TMEM266: variants seen among roughly 807,000 people sequenced by gnomAD.
TMEM266 encodes the protein transmembrane protein 266.
TMEM266 carries 33 observed loss-of-function variants against 50.5 expected under a neutral mutation model. The observed-to-expected ratio is 0.65, with a 90% CI of 0.50 to 0.87. The LOEUF (loss-of-function observed/expected upper bound fraction) is 0.87. TMEM266 is among the 40% of genes least tolerant of loss of function. The probability of loss-of-function intolerance (pLI) is 0.00; values close to 1 mark genes in which losing one functional copy is unlikely to be tolerated. For missense variants in TMEM266, 655 were observed against 695.1 expected (o/e 0.94, Z 0.65); for synonymous variants, 310 against 292.3 (o/e 1.06, Z -0.62).
chr15:76,175,471 C>T, intron 7 of TMEM266, 88 bp from the exon 8 acceptor site: 2 of 1,003,504 alleles, frequency 2.0e-6, no homozygotes, highest in East Asian at 2.5e-5. Flanking sequence ...GGCCTCGAAC[C>T]TGCTGCTGCC....
intron 3 of TMEM266, among the ~76,000 whole-genome samples, chr15:76,151,133 C>T (rs997181097): frequency 1.2e-4 from 19 of 152,176 alleles, no homozygotes; most frequent in Admixed American, 2.6e-4. Context: ...CCTGCCCTCT[C>T]GTGGCAATTC....
chr15:76,201,243 C>T (rs1001067269), intron 9 of TMEM266, among the ~76,000 whole-genome samples: 2 of 152,178 alleles, frequency 1.3e-5, no homozygotes, highest in African/African-American at 4.8e-5. Flanking sequence ...TGGCCCCTCA[C>T]TGCCTCGCTG....
intron 8 of TMEM266, among the ~76,000 whole-genome samples, chr15:76,182,971 C>T (rs1596160425): frequency 1.3e-5 from 2 of 152,116 alleles, no homozygotes; most frequent in Admixed American, 6.5e-5. Context: ...ATCCAGAAAT[C>T]TGAGTCCTGA....
At chr15:76,182,403 G>A (rs952168035) in intron 8 of TMEM266, among the ~76,000 whole-genome samples, 3 of 152,030 alleles carry the variant, frequency 2.0e-5, no homozygotes, top group Non-Finnish European at 2.9e-5. Context: ...TTGGGAGGCC[G>A]AGGCGGGCAG....
chr15:76,190,858 C>A (rs1000217643), intron 8 of TMEM266, among the ~76,000 whole-genome samples: 1 of 152,144 alleles, frequency 6.6e-6, no homozygotes, highest in African/African-American at 2.4e-5. Flanking sequence ...AGGCAGGGCG[C>A]CCGGGCGTGG....
chr15:76,153,087 C>T lies in TMEM266; in HGVS notation c.228-3517C>T, dbSNP rs936288959. ...ACCACAGGTAACTCCAGACGCCCAC[C>T]TCCTGCAGCTTCCTAACCACCTGAT... On this transcript the variant is annotated intron_variant, in intron 3 of 10. Transcript: ENST00000388942. This position sits in a 1 kb window ranked among gnomAD's most constrained non-coding sequence, Gnocchi z 4.2. Among the ~76,000 whole-genome samples the T allele has an allele frequency of 5.9e-5, 9 of 151,524 alleles. No homozygotes were observed. The highest frequency in any genetic ancestry group is 2.2e-4 in the African/African-American group (9 of 41,054).
chr15:76,075,630 C>G (rs558405987), intron 1 of TMEM266, among the ~76,000 whole-genome samples: 1 of 152,042 alleles, frequency 6.6e-6, no homozygotes, highest in East Asian at 1.9e-4. Flanking sequence ...ACACTTTCTA[C>G]ATGCTTCACA....
At chr15:76,119,553 G>T (rs2037308996) in intron 1 of TMEM266, among the ~76,000 whole-genome samples, 1 of 152,096 alleles carries the variant, frequency 6.6e-6, no homozygotes. Flanking sequence ...GATCACTTGA[G>T]ATCAGGAATT....
chr15:76,060,623 C>G (rs1374518558), intron 1 of TMEM266, among the ~76,000 whole-genome samples: 1 of 152,210 alleles, frequency 6.6e-6, no homozygotes, highest in African/African-American at 2.4e-5. Flanking sequence ...GCAGGCAGTT[C>G]CCTGCTTGCT....
At chr15:76,159,310 C>T (rs913082828) in intron 4 of TMEM266, among the ~76,000 whole-genome samples, 1 of 152,242 alleles carries the variant, frequency 6.6e-6, no homozygotes, top group East Asian at 1.9e-4. Context: ...GGTTCAAAGG[C>T]TGGCTGTGGC....
intron 3 of TMEM266, among the ~76,000 whole-genome samples, 164 bp from the exon 4 acceptor site, chr15:76,156,440 C>T (rs181000871): frequency 1.4e-3 from 210 of 152,310 alleles, no homozygotes; most frequent in African/African-American, 4.6e-3. Flanking sequence ...TATGACGCTC[C>T]CCAGCCTCTT....
chr15:76,133,160 G>T (rs183801512), intron 1 of TMEM266, among the ~76,000 whole-genome samples: 1 of 147,738 alleles, frequency 6.8e-6, no homozygotes. Context: ...CAGGCCGGGC[G>T]CGGTGGCTCA....
intron 1 of TMEM266, among the ~76,000 whole-genome samples, chr15:76,092,098 GA>G (rs953591653): frequency 2.0e-4 from 30 of 151,896 alleles, no homozygotes; most frequent in Admixed American, 1.8e-3. Flanking sequence ...TAGAGTATAA[GA>G]AAAAAAGAAA....
intron 8 of TMEM266, among the ~76,000 whole-genome samples, chr15:76,185,721 G>A (rs12902506): frequency 0.43 from 64,857 of 152,082 alleles, 16,031 homozygotes; most frequent in Middle Eastern, 0.6. Context: ...AGAGGCTGTG[G>A]ATTCTGTTAT....
intron 3 of TMEM266, among the ~76,000 whole-genome samples, chr15:76,151,349 T>G (rs566233033): frequency 1.3e-5 from 2 of 152,336 alleles, no homozygotes; most frequent in East Asian, 3.9e-4. Flanking sequence ...CTTCTAGGAA[T>G]GTCCGAGTCA....
rs1196180427 is a variant in TMEM266 at position 76,060,451 on chromosome 15, C to CCACA, written c.-97+437_-97+440dup. The stretch of plus-strand genomic sequence containing the variant: ...CAGACGTGGTATAGAGGTGGAAATC[C>CCACA]CACACCCTGAGGATTTGTGGCTTGG... On this transcript the variant is annotated intron_variant, in intron 1 of 10. Coordinates refer to ENST00000388942, the MANE Select transcript of TMEM266 (RefSeq NM_152335.3). 7.2e-5 allele frequency among the ~76,000 whole-genome samples: 11 copies of CCACA among 152,212 alleles called. No individual in the cohort carries two copies. The East Asian group carries it at 2.1e-3, about 29-fold the overall frequency.
Position 76,168,549 on chromosome 15 carries a change from C to T in TMEM266, c.457-1267C>T, listed in dbSNP as rs953506999. Among the ~76,000 whole-genome samples the T allele has an allele frequency of 3.3e-5, 5 of 152,186 alleles. No individual in the cohort carries two copies. The highest frequency in any genetic ancestry group is 5.9e-5 in the Non-Finnish European group (4 of 68,036). On this transcript the variant is annotated intron_variant, in intron 5 of 10. Transcript: ENST00000388942. This position sits in a 1 kb window ranked among gnomAD's most constrained non-coding sequence, Gnocchi z 4.4. ...TGCAGACAAATGCACCGGCATCTTA[C>T]GAGACCAGCATTTAGGGGCTTCTTT...
chr15:76,163,027 C>T (rs1409375739), intron 5 of TMEM266, among the ~76,000 whole-genome samples: 2 of 152,236 alleles, frequency 1.3e-5, no homozygotes, highest in African/African-American at 4.8e-5. Flanking sequence ...AACAGTTCTC[C>T]ACCCCTCCTC....
intron 5 of TMEM266, among the ~76,000 whole-genome samples, chr15:76,169,311 TA>T (rs1485380041): frequency 6.6e-6 from 1 of 151,988 alleles, no homozygotes; most frequent in Non-Finnish European, 1.5e-5. Flanking sequence ...TCAGTTATTG[TA>T]CAGGAAGGAG....
Sources: allele counts gnomAD v4.1 joint callset (sites outside exome capture counted in the v4.1 genomes callset), GRCh38; gene constraint gnomAD v4.1.1; non-coding constraint Gnocchi (gnomAD v3.1); transcripts MANE v1.5; gene names NCBI Gene and HGNC (gene_info 2026-07-23, HGNC 2026-07-21).